The following INSL3 variants were observed in gnomAD, a reference collection of about 807,000 sequenced individuals.
INSL3 encodes insulin-like 3.
In INSL3, 6 loss-of-function variants were observed where a neutral mutation model predicts 5.5. That is an observed-to-expected ratio of 1.08 (90% CI 0.59 to 2.14). The LOEUF (loss-of-function observed/expected upper bound fraction) is 2.14. Among genes scored for constraint, INSL3 ranks in the 30% most tolerant of loss-of-function variants. The probability of loss-of-function intolerance (pLI) is 0.00; values close to 1 mark genes in which losing one functional copy is unlikely to be tolerated. For synonymous variants in INSL3, 86 were observed against 82.1 expected, an observed-to-expected ratio of 1.05 and a Z score of -0.26; for missense variants, 178 against 184.7, an observed-to-expected ratio of 0.96 and a Z score of 0.21.
chr19:17,819,746 G>A (rs945462717), intron 1 of INSL3, among the ~76,000 whole-genome samples: 4 of 152,170 alleles, frequency 2.6e-5, no homozygotes, highest in African/African-American at 7.2e-5. Context: ...GGAGGCTGAG[G>A]CAGGAGAATG....
intron 1 of INSL3, among the ~76,000 whole-genome samples, chr19:17,817,858 G>A (rs968697980): frequency 1.4e-5 from 2 of 147,876 alleles, no homozygotes; most frequent in East Asian, 2.0e-4. Flanking sequence ...CCAGGCACCT[G>A]GTTAATCCTC....
intron 1 of INSL3, among the ~76,000 whole-genome samples, chr19:17,818,336 C>T (rs1254138864): frequency 6.6e-6 from 1 of 152,146 alleles, no homozygotes; most frequent in East Asian, 1.9e-4. Context: ...TTTTTTGAGG[C>T]CAGGCACCGT....
chr19:17,816,756 T>A lies in INSL3; in HGVS notation c.*98A>T. On this transcript the variant is annotated 3_prime_UTR_variant, in exon 2 of 2. Transcript: ENST00000317306. ...CCATCCCAGGAGGTAATCAAAGGCC[T>A]GTAGATGCGAGACTTTATGGTGCTG... is the stretch of plus-strand genomic sequence containing the variant. The A allele has an allele frequency of 3.4e-6, 4 of 1,189,944 alleles. No homozygotes were observed. The South Asian group carries it at 5.0e-5, about 15-fold the overall frequency. The allele number at this position is 1,189,944 out of a possible 1,614,324, so 73.7% of individuals were successfully genotyped here.
intron 1 of INSL3, chr19:17,820,473 C>A (rs952198958): frequency 6.1e-6 from 2 of 328,232 alleles, no homozygotes; most frequent in Non-Finnish European, 1.2e-5. Flanking sequence ...GCCTGGGAAA[C>A]AGAGTGAGAC....
rs2147663795 is a variant in INSL3, at chr19:17,821,175, C to T, written c.190+142G>A. 2.0e-5 allele frequency: 20 copies of T among 996,794 alleles called. No individual in the cohort carries two copies. The South Asian group carries it at 2.8e-4, about 14-fold the overall frequency. The allele number at this position is 996,794 out of a possible 1,614,324, so 61.7% of individuals were successfully genotyped here. On this transcript the variant is annotated intron_variant, in intron 1 of 1. Coordinates refer to ENST00000317306, the MANE Select transcript of INSL3 (RefSeq NM_005543.4). ...TCACACACACTCCAGTGCGGACCCA[C>T]GATCTGTGCACGCAGCCGGCAGGTG...
intron 1 of INSL3, chr19:17,820,541 C>T (rs8107831): frequency 0.094 from 21,074 of 223,118 alleles, 1,511 homozygotes; most frequent in East Asian, 0.21. Context: ...CACCTGTATC[C>T]CAGCCACTCC....
At chr19:17,820,766 C>T (rs1273634995) in intron 1 of INSL3, among the ~76,000 whole-genome samples, 1 of 151,860 alleles carries the variant, frequency 6.6e-6, no homozygotes, top group East Asian at 1.9e-4. Flanking sequence ...ACCTCTCCTG[C>T]CTCACTCTGT....
intron 1 of INSL3, among the ~76,000 whole-genome samples, chr19:17,818,604 A>G (rs1420987684): frequency 6.6e-6 from 1 of 151,992 alleles, no homozygotes. Flanking sequence ...TGACAGAGCA[A>G]GACTGTCTCA....
rs111844507 is a variant in INSL3 at position 17,818,014 on chromosome 19, G to A, written c.191-955C>T. On this transcript the variant is annotated intron_variant, in intron 1 of 1. Transcript: ENST00000317306. ...GTTTCCCCAACAGGTCCAAGGGTCC[G>A]TGAGACACCCAGAGCAGGTCAGAGA... 2.8e-3 allele frequency among the ~76,000 whole-genome samples: 429 copies of A among 152,018 alleles called. 1 individual carries two copies. The highest frequency in any genetic ancestry group is 9.3e-3 in the African/African-American group (386 of 41,472).
At position 17,821,363 on chromosome 19, in the gene INSL3, G is replaced by GC. The variant is rs757862609; in HGVS notation, c.143dup (p.Arg50ProfsTer16). ...TCCTGGCTTCGGTGGACCAGCGGGG[G>GC]CCCCCGCACACGCGCACTAGCGCGC... On this transcript the variant is annotated frameshift_variant, in exon 1 of 2. Transcript: ENST00000317306. LOFTEE classifies it low-confidence loss of function (END_TRUNC). The GC allele has an allele frequency of 6.5e-5, 100 of 1,548,608 alleles. No homozygotes were observed. The highest frequency in any genetic ancestry group is 8.0e-5 in the Non-Finnish European group (92 of 1,146,542).
intron 1 of INSL3, among the ~76,000 whole-genome samples, chr19:17,819,512 G>T (rs2094192409): frequency 1.3e-5 from 2 of 152,150 alleles, no homozygotes; most frequent in African/African-American, 4.8e-5. Flanking sequence ...CACTTTGGGA[G>T]GCTGAGGCGG....
Position 17,816,656 on chromosome 19 carries a change from G to A in INSL3, c.*198C>T, listed in dbSNP as rs1412329221. ...TGAAAGCGGGGATCCTCCAAGCCAG[G>A]GCTAGGGTGTGATTTATTCTGCAGT... On this transcript the variant is annotated 3_prime_UTR_variant, in exon 2 of 2. Transcript: ENST00000317306. 14 of 621,002 alleles carry A rather than the reference G, an allele frequency of 2.3e-5. No homozygotes were observed. In the Admixed American group the frequency reaches 3.6e-4, roughly 16 times the overall value. 38.5% of individuals were successfully genotyped at this position (621,002 alleles called of 1,614,324 possible). A position where few individuals can be genotyped will look rare whatever the true frequency, so the allele number is the denominator to read the frequency against.
intron 1 of INSL3, 116 bp downstream of exon 1, chr19:17,821,201 A>G: frequency 8.3e-7 from 1 of 1,203,584 alleles, no homozygotes; most frequent in Non-Finnish European, 1.2e-6. Flanking sequence ...CCGGCAGGTG[A>G]GCCCTGGGCA....
intron 1 of INSL3, among the ~76,000 whole-genome samples, chr19:17,818,846 C>T (rs1051128731): frequency 2.0e-5 from 3 of 151,790 alleles, no homozygotes; most frequent in South Asian, 2.1e-4. Context: ...ACAGGACAGC[C>T]CCACTACCAT....
At chr19:17,817,118 C>T (rs1490946274) in intron 1 of INSL3, 59 bp from the exon 2 acceptor site, 6 of 1,492,772 alleles carry the variant, frequency 4.0e-6, no homozygotes, top group Non-Finnish European at 4.6e-6. Flanking sequence ...CTACCCCATG[C>T]TGCATGTGCA....
chr19:17,817,382 G>A (rs968683293), intron 1 of INSL3, among the ~76,000 whole-genome samples: 3 of 151,166 alleles, frequency 2.0e-5, no homozygotes, highest in African/African-American at 7.3e-5. Context: ...CTACTCAGGA[G>A]GCTGAGGCAG....
chr19:17,820,311 AAAAT>A (rs2094193582), intron 1 of INSL3: 1 of 341,278 alleles, frequency 2.9e-6, no homozygotes, highest in Non-Finnish European at 5.5e-6. Flanking sequence ...ATAAAATAAT[AAAAT>A]AAAGTAACAT....
intron 1 of INSL3, among the ~76,000 whole-genome samples, chr19:17,818,946 C>G (rs8100288): frequency 6.9e-6 from 1 of 145,292 alleles, no homozygotes; most frequent in East Asian, 2.4e-4. Context: ...GTGATCTTGG[C>G]TCACTGCAAC....
rs570837260 is a variant in INSL3, at chr19:17,821,391, A to C, written c.116T>G (p.Val39Gly). 2,027 of 1,548,366 alleles carry C rather than the reference A, an allele frequency of 1.3e-3. 4 individuals are homozygous for C. The highest frequency in any genetic ancestry group is 1.6e-3 in the Non-Finnish European group (1,856 of 1,145,792). Reference protein sequence around the residue: ...MREKLCGHHFVRALVRVCGGP... With the variant: ...MREKLCGHHFGRALVRVCGGP... ...CCCGCACACGCGCACTAGCGCGCGT[A>C]CGAAGTGGTGGCCGCACAACTTCTC... is the stretch of plus-strand genomic sequence containing the variant. The change falls in exon 1 of 2, where the codon GTA becomes GGA. Residue 39 changes from valine to glycine, a missense_variant. Physicochemically the swap from Val to Gly is moderately radical, Grantham distance 109 (BLOSUM62 -3). Transcript: ENST00000317306.
Sources: allele counts gnomAD v4.1 joint callset (sites outside exome capture counted in the v4.1 genomes callset), GRCh38; gene constraint gnomAD v4.1.1; transcripts MANE v1.5; gene names NCBI Gene and HGNC (gene_info 2026-07-23, HGNC 2026-07-21).